Variants in CHCHD6 observed in about 807,000 individuals in gnomAD.
CHCHD6 encodes MICOS complex subunit MIC25.
A neutral mutation model predicts 32.3 loss-of-function variants in CHCHD6; 28 were observed. That is an observed-to-expected ratio of 0.87 (90% confidence interval 0.64 to 1.19). The LOEUF (loss-of-function observed/expected upper bound fraction) is 1.19. Ranked by LOEUF, CHCHD6 falls within the 50% of genes most tolerant of loss-of-function variation. The pLI is 0.00. For missense variants in CHCHD6, 333 were observed against 307.0 expected (o/e 1.08, Z -0.63); for synonymous variants, 122 against 117.5 (o/e 1.04, Z -0.25).
At chr3:126,951,054 A>G (rs747910819) in intron 6 of CHCHD6, among the ~76,000 whole-genome samples, 129 of 152,186 alleles carry the variant, frequency 8.5e-4, no homozygotes, top group Non-Finnish European at 1.6e-3. Flanking sequence ...TTGAATTGTA[A>G]TCCCCACGTG....
chr3:126,710,183 G>A (rs1336579655), intron 1 of CHCHD6, among the ~76,000 whole-genome samples: 1 of 152,166 alleles, frequency 6.6e-6, no homozygotes, highest in African/African-American at 2.4e-5. Context: ...TATTTCTCCA[G>A]GCTCTGTTGA....
At chr3:126,775,634 A>AAG (rs1463597758) in intron 4 of CHCHD6, among the ~76,000 whole-genome samples, 1 of 152,272 alleles carries the variant, frequency 6.6e-6, no homozygotes, top group Non-Finnish European at 1.5e-5. Flanking sequence ...TGTAGGGCTG[A>AAG]AGAATCAAAG....
At chr3:126,841,912 T>G (rs1941098962) in intron 4 of CHCHD6, among the ~76,000 whole-genome samples, 1 of 151,932 alleles carries the variant, frequency 6.6e-6, no homozygotes, top group Admixed American at 6.6e-5. Flanking sequence ...AGACCTTGCC[T>G]CAAAACAAAA....
intron 6 of CHCHD6, among the ~76,000 whole-genome samples, chr3:126,945,545 G>A (rs979906456): frequency 1.4e-5 from 2 of 147,708 alleles, no homozygotes; most frequent in Non-Finnish European, 1.5e-5. Context: ...AGAGAGACTC[G>A]GGACGGGGAG....
intron 1 of CHCHD6, among the ~76,000 whole-genome samples, chr3:126,708,031 C>T (rs1934579836): frequency 6.6e-6 from 1 of 152,210 alleles, no homozygotes; most frequent in Admixed American, 6.5e-5. Flanking sequence ...CAAAGAGCTG[C>T]CAGAGCTAAG....
intron 4 of CHCHD6, among the ~76,000 whole-genome samples, chr3:126,804,727 C>T (rs1939270004): frequency 6.6e-6 from 1 of 151,928 alleles, no homozygotes; most frequent in African/African-American, 2.4e-5. Context: ...GATACCAAAG[C>T]CTGGCAGAGA....
At chr3:126,768,538 T>C (rs115752041) in intron 4 of CHCHD6, among the ~76,000 whole-genome samples, 4,872 of 152,312 alleles carry the variant, frequency 0.032, 129 homozygotes, top group African/African-American at 0.073. Context: ...AATATGCATG[T>C]GTGTGTCTTT....
intron 4 of CHCHD6, among the ~76,000 whole-genome samples, chr3:126,808,296 T>TA (rs1344509881): frequency 6.6e-6 from 1 of 152,222 alleles, no homozygotes; most frequent in Non-Finnish European, 1.5e-5. Flanking sequence ...TTTTGAAAGC[T>TA]AATCTTGGAA....
At chr3:126,957,749 C>T in intron 7 of CHCHD6, 198 bp downstream of exon 7, 1 of 673,350 alleles carries the variant, frequency 1.5e-6, no homozygotes, top group South Asian at 1.8e-5. Context: ...TCCAGGAGCG[C>T]CTTGGACATC....
chr3:126,909,113 T>C (rs564645928), intron 5 of CHCHD6, among the ~76,000 whole-genome samples: 1 of 152,354 alleles, frequency 6.6e-6, no homozygotes, highest in East Asian at 1.9e-4. Flanking sequence ...CAGCACAGCC[T>C]GTGCACACCG....
At chr3:126,915,623 G>T (rs1365898634) in intron 6 of CHCHD6, among the ~76,000 whole-genome samples, 2 of 152,218 alleles carry the variant, frequency 1.3e-5, no homozygotes, top group East Asian at 3.9e-4. Flanking sequence ...ACAGAATTGT[G>T]AGCAGTGGGT....
intron 4 of CHCHD6, among the ~76,000 whole-genome samples, chr3:126,744,833 G>A (rs879464809): frequency 2.0e-5 from 3 of 152,072 alleles, no homozygotes; most frequent in South Asian, 2.1e-4. Context: ...GACTACCGGC[G>A]TGCACCACCA....
intron 5 of CHCHD6, among the ~76,000 whole-genome samples, chr3:126,911,294 A>G (rs1354129670): frequency 6.6e-6 from 1 of 152,186 alleles, no homozygotes; most frequent in African/African-American, 2.4e-5. Flanking sequence ...GCACGTTGGT[A>G]GTGTCTAGTC....
rs1253424815 is a variant in CHCHD6 at position 126,814,570 on chromosome 3, A to G, written c.412-38077A>G. On this transcript the variant is annotated intron_variant, in intron 4 of 7. Transcript: ENST00000290913. ...ATCATGCCTATGAAATGATGCCTCC[A>G]TAAAAACCTAAGAGGACAGACTTGG... 2.0e-5 allele frequency among the ~76,000 whole-genome samples: 3 copies of G among 152,334 alleles called. 1 individual carries two copies. In the South Asian group the frequency reaches 6.2e-4, roughly 32 times the overall value.
chr3:126,710,886 A>C (rs1934719470), intron 1 of CHCHD6, among the ~76,000 whole-genome samples: 1 of 152,142 alleles, frequency 6.6e-6, no homozygotes, highest in Admixed American at 6.6e-5. Context: ...ACAAATAAAG[A>C]CTGACTTCTT....
chr3:126,778,900 A>G (rs1181111877), intron 4 of CHCHD6, among the ~76,000 whole-genome samples: 2 of 150,248 alleles, frequency 1.3e-5, no homozygotes, highest in African/African-American at 4.9e-5. Flanking sequence ...AACTACAGCC[A>G]TGTGCCACCA....
chr3:126,881,385 A>G (rs1351112678), intron 5 of CHCHD6, among the ~76,000 whole-genome samples: 2 of 152,122 alleles, frequency 1.3e-5, no homozygotes, highest in African/African-American at 4.8e-5. Flanking sequence ...TTGCCTTTCC[A>G]CAGGGCTCTG....
rs140722067 is a variant in CHCHD6, at chr3:126,832,413, C to T, written c.412-20234C>T. Reference sequence around the variant, plus strand: ...CACCTTCATCTGCAGGCTTGGTGGGCGCCGTCTCTACCATCTCCATAACAT... The same window carrying T: ...CACCTTCATCTGCAGGCTTGGTGGGTGCCGTCTCTACCATCTCCATAACAT... On this transcript the variant is annotated intron_variant, in intron 4 of 7. Coordinates refer to ENST00000290913, the MANE Select transcript of CHCHD6 (RefSeq NM_032343.3). Among the ~76,000 whole-genome samples the T allele has an allele frequency of 1.3e-3, 192 of 152,184 alleles. 2 individuals are homozygous for T. The highest frequency in any genetic ancestry group is 2.5e-3 in the African/African-American group (102 of 41,512).
chr3:126,882,282 C>T (rs1480308323), intron 5 of CHCHD6, among the ~76,000 whole-genome samples: 3 of 152,200 alleles, frequency 2.0e-5, no homozygotes, highest in East Asian at 1.9e-4. Context: ...CTTGCCTCAT[C>T]GTCTCTAACC....
Sources: allele counts gnomAD v4.1 joint callset (sites outside exome capture counted in the v4.1 genomes callset), GRCh38; gene constraint gnomAD v4.1.1; transcripts MANE v1.5; gene names NCBI Gene and HGNC (gene_info 2026-07-23, HGNC 2026-07-21).